DOCK3: variants seen among roughly 807,000 people sequenced by gnomAD.
DOCK3 encodes the protein dedicator of cytokinesis protein 3.
A neutral mutation model predicts 265.6 loss-of-function variants in DOCK3; 60 were observed. The ratio of observed to expected loss-of-function variants is 0.23; its 90% confidence interval spans 0.18 to 0.28. The LOEUF (loss-of-function observed/expected upper bound fraction) is 0.28, where lower values mean the gene tolerates loss of function less well. DOCK3 is among the 10% of genes least tolerant of loss of function. The pLI, the probability that DOCK3 is intolerant of heterozygous loss-of-function variation, is 1.00. For missense variants in DOCK3, 1,981 were observed against 2,594.3 expected, an observed-to-expected ratio of 0.76 and a Z score of 5.14; for synonymous variants, 881 against 938.0, an observed-to-expected ratio of 0.94 and a Z score of 1.11.
intron 3 of DOCK3, among the ~76,000 whole-genome samples, chr3:50,869,430 G>C (rs1403064987): frequency 7.6e-4 from 87 of 114,648 alleles, no homozygotes; most frequent in Admixed American, 3.2e-3. Flanking sequence ...GGAGTCAGTG[G>C]TGTGATCTCA....
At chr3:51,206,426 A>G (rs770669680) in intron 12 of DOCK3, among the ~76,000 whole-genome samples, 1 of 152,214 alleles carries the variant, frequency 6.6e-6, no homozygotes, top group African/African-American at 2.4e-5. Context: ...TATAATAGGT[A>G]TTCTTCTAGA....
At chr3:51,293,021 G>T (rs899564182) in intron 27 of DOCK3, among the ~76,000 whole-genome samples, 6 of 152,090 alleles carry the variant, frequency 3.9e-5, no homozygotes, top group Non-Finnish European at 1.5e-5. Context: ...GGATTGGAAG[G>T]ATTAATATTG....
chr3:51,295,541 T>TA (rs954946383), intron 27 of DOCK3, among the ~76,000 whole-genome samples: 32 of 152,144 alleles, frequency 2.1e-4, no homozygotes, highest in African/African-American at 6.7e-4. Context: ...GAAAAAGCAT[T>TA]AAAAAAAATC....
At chr3:50,737,259 G>C (rs933668022) in intron 1 of DOCK3, among the ~76,000 whole-genome samples, 1 of 152,110 alleles carries the variant, frequency 6.6e-6, no homozygotes, top group African/African-American at 2.4e-5. Flanking sequence ...TGGTGTTTTA[G>C]ACATGAAGCC....
chr3:51,035,844 A>G (rs902425167), intron 5 of DOCK3, among the ~76,000 whole-genome samples: 3 of 152,142 alleles, frequency 2.0e-5, no homozygotes, highest in Non-Finnish European at 4.4e-5. Flanking sequence ...TGCTCTGTGC[A>G]TGCATAACTC....
chr3:51,186,051 G>A (rs6799722), intron 12 of DOCK3, among the ~76,000 whole-genome samples: 124,992 of 152,142 alleles, frequency 0.82, 51,931 homozygotes, highest in Middle Eastern at 0.9. Flanking sequence ...CTTTGAAACT[G>A]GGTAACAGGC....
chr3:51,059,488 CA>C (rs1560003737), intron 5 of DOCK3, among the ~76,000 whole-genome samples: 173 of 150,376 alleles, frequency 1.2e-3, no homozygotes, highest in Middle Eastern at 3.4e-3. Context: ...CACACACACA[CA>C]CACACCCCAC....
chr3:51,083,565 T>C (rs1445187942), intron 7 of DOCK3, among the ~76,000 whole-genome samples: 1 of 152,064 alleles, frequency 6.6e-6, no homozygotes, highest in African/African-American at 2.4e-5. Context: ...ATTCATGAGT[T>C]GAAGTTTAAC....
chr3:50,973,288 C>T (rs1357447834), intron 5 of DOCK3, among the ~76,000 whole-genome samples: 1 of 140,848 alleles, frequency 7.1e-6, no homozygotes, highest in African/African-American at 2.8e-5. Context: ...TCCCTCCCCC[C>T]TCCCCCCACC....
At chr3:51,224,757 G>A (rs959066419) in intron 14 of DOCK3, among the ~76,000 whole-genome samples, 24 of 151,762 alleles carry the variant, frequency 1.6e-4, no homozygotes, top group African/African-American at 5.6e-4. Context: ...TAAGTCAGAA[G>A]CCCTTCTTTA....
intron 5 of DOCK3, among the ~76,000 whole-genome samples, chr3:50,990,552 G>A (rs780768321): frequency 9.2e-5 from 14 of 152,136 alleles, no homozygotes; most frequent in Non-Finnish European, 1.8e-4. Context: ...TTTATATCTA[G>A]CTGTATTAGG....
intron 1 of DOCK3, among the ~76,000 whole-genome samples, chr3:50,730,840 A>G (rs746614968): frequency 1.3e-5 from 2 of 150,702 alleles, no homozygotes; most frequent in Non-Finnish European, 3.0e-5. Flanking sequence ...CTAAAAAAAT[A>G]TTCCTTTTGG....
intron 2 of DOCK3, among the ~76,000 whole-genome samples, chr3:50,801,672 A>G (rs1036384992): frequency 1.3e-5 from 2 of 152,188 alleles, no homozygotes; most frequent in Non-Finnish European, 2.9e-5. Flanking sequence ...TGTGTATTCT[A>G]TAGCTGTTGG....
intron 1 of DOCK3, among the ~76,000 whole-genome samples, chr3:50,690,526 C>G (rs1037311599): frequency 5.3e-5 from 8 of 152,064 alleles, no homozygotes; most frequent in African/African-American, 1.7e-4. Context: ...TTTCGTCATC[C>G]CATACTGAAA....
chr3:51,275,312 A>T, intron 25 of DOCK3, 106 bp downstream of exon 25: 2 of 1,516,302 alleles, frequency 1.3e-6, no homozygotes, highest in Non-Finnish European at 1.8e-6. Flanking sequence ...TTTCAGTCAC[A>T]GATGCTTTCA....
intron 12 of DOCK3, among the ~76,000 whole-genome samples, chr3:51,180,207 CA>C (rs769429969): frequency 0.012 from 1,337 of 111,236 alleles, 24 homozygotes; most frequent in African/African-American, 0.043. Context: ...GACCCTGTCT[CA>C]AAAAAAAAAA....
At chr3:51,125,409 T>C (rs1387662187) in intron 9 of DOCK3, among the ~76,000 whole-genome samples, 3 of 152,184 alleles carry the variant, frequency 2.0e-5, no homozygotes, top group Non-Finnish European at 4.4e-5. Context: ...CTAGCTCCTA[T>C]TTATAAACAG....
chr3:51,030,141 TTTGG>T (rs1187893051), intron 5 of DOCK3, among the ~76,000 whole-genome samples: 4 of 152,176 alleles, frequency 2.6e-5, no homozygotes, highest in Non-Finnish European at 5.9e-5. Context: ...GCCCCACTTC[TTTGG>T]TTGGGCATTC....
At chr3:51,220,715 A>G (rs181276408) in intron 14 of DOCK3, among the ~76,000 whole-genome samples, 3,599 of 59,782 alleles carry the variant, frequency 0.06, 164 homozygotes, top group African/African-American at 0.16. Flanking sequence ...GTGTGTATAT[A>G]TATATATATA....
Sources: gnomAD v4.1 joint callset for allele counts (sites outside exome capture counted in the v4.1 genomes callset) on GRCh38, gnomAD v4.1.1 for gene constraint, MANE v1.5 for transcripts, NCBI Gene and HGNC (gene_info 2026-07-23, HGNC 2026-07-21) for gene names.